The following CDC14B variants were observed in gnomAD, a reference collection of about 807,000 sequenced individuals.
CDC14B encodes the protein dual specificity protein phosphatase CDC14B.
In CDC14B, 22 loss-of-function variants were observed where a neutral mutation model predicts 64.2. That is an observed-to-expected ratio of 0.34 (90% CI 0.24 to 0.49). CDC14B has a LOEUF of 0.49. Among genes scored for constraint, CDC14B ranks in the 20% least tolerant of loss-of-function variants. The pLI is 0.99. For synonymous variants in CDC14B, 191 were observed against 215.8 expected (o/e 0.89, Z 1.01); for missense variants, 498 against 629.9 (o/e 0.79, Z 2.24).
chr9:96,615,203 A>G (rs1159718932), intron 1 of CDC14B, among the ~76,000 whole-genome samples: 3 of 152,160 alleles, frequency 2.0e-5, no homozygotes, highest in Admixed American at 6.6e-5. Context: ...AGTATAGTTC[A>G]AGTAAAAAAA....
intron 13 of CDC14B, among the ~76,000 whole-genome samples, chr9:96,504,173 G>A (rs1833816637): frequency 1.3e-5 from 2 of 152,086 alleles, no homozygotes; most frequent in African/African-American, 2.4e-5. Context: ...GCTGTGGGAG[G>A]AGCGGGCAGA....
intron 3 of CDC14B, among the ~76,000 whole-genome samples, chr9:96,563,343 A>G (rs1380119192): frequency 6.6e-6 from 1 of 152,172 alleles, no homozygotes; most frequent in Admixed American, 6.6e-5. Context: ...ATGTGTACAT[A>G]TTTCTATTTA....
At chr9:96,532,978 T>C (rs948658850) in intron 9 of CDC14B, among the ~76,000 whole-genome samples, 1 of 152,116 alleles carries the variant, frequency 6.6e-6, no homozygotes, top group Non-Finnish European at 1.5e-5. Flanking sequence ...TGGATTTATT[T>C]CTTCTTCTTT....
intron 1 of CDC14B, chr9:96,566,725 G>A (rs375222995): frequency 2.4e-5 from 38 of 1,573,432 alleles, no homozygotes; most frequent in Non-Finnish European, 2.9e-5. Flanking sequence ...TCCCAGCGCG[G>A]GTGCCGGAGC....
At chr9:96,582,433 C>G (rs534298697) in intron 1 of CDC14B, among the ~76,000 whole-genome samples, 10 of 152,296 alleles carry the variant, frequency 6.6e-5, no homozygotes, top group African/African-American at 2.4e-4. Flanking sequence ...AAGTTACTTC[C>G]TCCTTCCTTT....
chr9:96,593,346 G>A (rs1845889456), intron 1 of CDC14B, among the ~76,000 whole-genome samples: 1 of 152,052 alleles, frequency 6.6e-6, no homozygotes, highest in South Asian at 2.1e-4. Context: ...AATTAGCTGG[G>A]CGTAGTGGTG....
intron 1 of CDC14B, among the ~76,000 whole-genome samples, chr9:96,576,985 G>A (rs1180402458): frequency 6.6e-6 from 1 of 152,162 alleles, no homozygotes; most frequent in Non-Finnish European, 1.5e-5. Context: ...GGGCACAGTG[G>A]CTCACGCTTG....
At chr9:96,581,237 G>A (rs1013137523) in intron 1 of CDC14B, among the ~76,000 whole-genome samples, 8 of 150,346 alleles carry the variant, frequency 5.3e-5, no homozygotes, top group African/African-American at 2.0e-4. Context: ...TCTCAAAAAA[G>A]AAAAACAAAA....
chr9:96,509,549 A>C (rs1339212776), intron 13 of CDC14B, 124 bp downstream of exon 13: 2 of 727,918 alleles, frequency 2.7e-6, no homozygotes, highest in African/African-American at 3.6e-5. Flanking sequence ...ACATTTGATG[A>C]ATTTCCCATC....
intron 11 of CDC14B, 137 bp from the exon 12 acceptor site, chr9:96,522,740 G>A (rs1017394206): frequency 1.6e-6 from 1 of 635,492 alleles, no homozygotes; most frequent in African/African-American, 1.8e-5. Flanking sequence ...TCACAATCAA[G>A]CTTCAGGTGA....
In CDC14B at chr9:96,611,405, C is replaced by T. The variant is rs115089600; in HGVS notation, c.160+7814G>A. ...CTTCCATATTTGTCCTCAACAACTC[C>T]GCACCTACTTACCTCATTCATAAAG... On this transcript the variant is annotated intron_variant, in intron 1 of 13. Coordinates refer to ENST00000375241, the MANE Select transcript of CDC14B (RefSeq NM_033331.4). 8.5e-3 allele frequency among the ~76,000 whole-genome samples: 1,287 copies of T among 152,280 alleles called. 7 individuals are homozygous for T. The highest frequency in any genetic ancestry group is 0.054 in the Middle Eastern group (16 of 294).
intron 1 of CDC14B, among the ~76,000 whole-genome samples, chr9:96,597,643 TGAAA>T (rs1846174912): frequency 1.3e-5 from 2 of 149,966 alleles, no homozygotes; most frequent in East Asian, 2.0e-4. Context: ...ATTCAGAAGA[TGAAA>T]GAGTTTATCA....
chr9:96,588,005 A>AT (rs549215075), intron 1 of CDC14B, among the ~76,000 whole-genome samples: 301 of 150,786 alleles, frequency 2.0e-3, no homozygotes, highest in Non-Finnish European at 3.6e-3. Context: ...TCAAGATTTA[A>AT]TTTTTTTTTT....
chr9:96,526,910 C>T (rs1485027803), intron 9 of CDC14B, among the ~76,000 whole-genome samples: 1 of 152,116 alleles, frequency 6.6e-6, no homozygotes, highest in East Asian at 1.9e-4. Flanking sequence ...GCAAAAGGAC[C>T]TTGCTGAAGA....
chr9:96,501,475 C>T lies in CDC14B; in HGVS notation c.*2278G>A, dbSNP rs1833555766. On this transcript the variant is annotated 3_prime_UTR_variant, in exon 14 of 14. Transcript: ENST00000375241. Reference sequence around the variant, plus strand: ...GTGAGGGGAAGAGTCCACTCTCATTCATAGCAGGAAGAACTTTCCATCCCT... The same window carrying T: ...GTGAGGGGAAGAGTCCACTCTCATTTATAGCAGGAAGAACTTTCCATCCCT... 1 of 152,206 alleles carries T rather than the reference C, an allele frequency of 6.6e-6. No homozygotes were observed. Among genetic ancestry groups the T allele is most frequent in the Non-Finnish European group, 1.5e-5 (1 of 68,048 alleles). 9.4% of individuals were successfully genotyped at this position (152,206 alleles called of 1,614,324 possible). A position where few individuals can be genotyped will look rare whatever the true frequency, so the allele number is the denominator to read the frequency against.
intron 9 of CDC14B, 48 bp downstream of exon 9, chr9:96,533,879 C>A: frequency 8.5e-7 from 1 of 1,170,776 alleles, no homozygotes; most frequent in South Asian, 1.6e-5. Context: ...TCTACATATT[C>A]ATATACTCAT....
At chr9:96,612,875 G>A (rs1444953092) in intron 1 of CDC14B, among the ~76,000 whole-genome samples, 3 of 152,114 alleles carry the variant, frequency 2.0e-5, no homozygotes, top group Non-Finnish European at 4.4e-5. Context: ...TAAAATATCC[G>A]GAAAACTGGG....
chr9:96,583,332 G>A (rs1414527481), intron 1 of CDC14B, among the ~76,000 whole-genome samples: 4 of 150,750 alleles, frequency 2.7e-5, no homozygotes, highest in South Asian at 2.1e-4. Context: ...GTCTGGATGC[G>A]TAAACCGGCG....
Position 96,619,689 on chromosome 9 carries a change from G to A in CDC14B, c.-311C>T, listed in dbSNP as rs1179732471. The A allele has an allele frequency of 6.7e-6, 1 of 149,006 alleles. No individual in the cohort carries two copies. The highest frequency in any genetic ancestry group is 1.5e-5 in the Non-Finnish European group (1 of 66,970). The allele number at this position is 149,006 out of a possible 1,614,324, so 9.2% of individuals were successfully genotyped here. Reference sequence around the variant, plus strand: ...CCAGGTGCCCGCAGCCGGCTGGCGCGGCCGAGGCGACGGGGCTGCAGCTGG... The same window carrying A: ...CCAGGTGCCCGCAGCCGGCTGGCGCAGCCGAGGCGACGGGGCTGCAGCTGG... On this transcript the variant is annotated 5_prime_UTR_variant, in exon 1 of 14. Transcript: ENST00000375241.
Sources: gnomAD v4.1 joint callset for allele counts (sites outside exome capture counted in the v4.1 genomes callset) on GRCh38, gnomAD v4.1.1 for gene constraint, MANE v1.5 for transcripts, NCBI Gene and HGNC (gene_info 2026-07-23, HGNC 2026-07-21) for gene names.